ZFYVE9: variants seen among roughly 807,000 people sequenced by gnomAD.
ZFYVE9 encodes the protein zinc finger FYVE-type containing 9, also known as zinc finger FYVE domain-containing protein 9.
Under a neutral mutation model 126.7 loss-of-function variants are expected in ZFYVE9, and 43 were observed. That is an observed-to-expected ratio of 0.34 (90% CI 0.27 to 0.44). ZFYVE9 has a LOEUF of 0.44. ZFYVE9 is among the 20% of genes least tolerant of loss of function. ZFYVE9 has a pLI of 1.00. For synonymous variants in ZFYVE9, 521 were observed against 597.4 expected (o/e 0.87, Z 1.87); for missense variants, 1,476 against 1,697.0 (o/e 0.87, Z 2.29).
chr1:52,216,299 T>G (rs1645071936), intron 1 of ZFYVE9, 70 bp from the exon 2 acceptor site: 1 of 397,734 alleles, frequency 2.5e-6, no homozygotes, highest in Non-Finnish European at 4.4e-6. Context: ...CTGGCTATGG[T>G]AGATTTATAT....
intron 1 of ZFYVE9, among the ~76,000 whole-genome samples, chr1:52,193,707 C>T: frequency 1.8e-5 from 1 of 56,432 alleles, no homozygotes; most frequent in South Asian, 9.4e-4. Context: ...AACTCTGTCT[C>T]AAAAAAAAAA....
chr1:52,163,520 T>A (rs1237248203), intron 1 of ZFYVE9, among the ~76,000 whole-genome samples: 1 of 152,166 alleles, frequency 6.6e-6, no homozygotes, highest in African/African-American at 2.4e-5. Context: ...TAATTTTCTT[T>A]TAGTTTAGGT....
chr1:52,256,083 T>A (rs1002206187), intron 4 of ZFYVE9, among the ~76,000 whole-genome samples: 2 of 150,636 alleles, frequency 1.3e-5, no homozygotes, highest in Non-Finnish European at 2.9e-5. Context: ...TTTCTTTCTT[T>A]CAGATGGAGT....
intron 7 of ZFYVE9, among the ~76,000 whole-genome samples, chr1:52,270,355 C>G (rs1018158778): frequency 1.5e-4 from 23 of 152,160 alleles, no homozygotes; most frequent in Non-Finnish European, 2.6e-4. Flanking sequence ...GCTCCGCCTC[C>G]CGGGTTCACG....
chr1:52,199,311 C>A (rs1644901087), intron 1 of ZFYVE9, among the ~76,000 whole-genome samples: 2 of 152,198 alleles, frequency 1.3e-5, no homozygotes, highest in Admixed American at 1.3e-4. Flanking sequence ...GATCCACCCG[C>A]CTCGGCTTCC....
intron 1 of ZFYVE9, among the ~76,000 whole-genome samples, chr1:52,189,654 T>G (rs1456766633): frequency 6.6e-6 from 1 of 150,516 alleles, no homozygotes; most frequent in Non-Finnish European, 1.5e-5. Context: ...ATTACAGGTG[T>G]GAGCCACCGC....
chr1:52,217,720 C>G (rs927997776), intron 2 of ZFYVE9, among the ~76,000 whole-genome samples: 9 of 152,136 alleles, frequency 5.9e-5, no homozygotes, highest in Non-Finnish European at 5.9e-5. Context: ...TCGTCTATTC[C>G]AGAGTTTTTG....
chr1:52,162,645 C>G (rs1644473125), intron 1 of ZFYVE9: 2 of 276,822 alleles, frequency 7.2e-6, no homozygotes, highest in South Asian at 1.2e-4. Flanking sequence ...TGTGTACAAA[C>G]TAAGGCCAAA....
intron 1 of ZFYVE9, among the ~76,000 whole-genome samples, chr1:52,202,038 C>T (rs1207135815): frequency 6.6e-6 from 1 of 152,122 alleles, no homozygotes; most frequent in Non-Finnish European, 1.5e-5. Context: ...CCCATCTTGG[C>T]CTCCCAAAGT....
At position 52,318,579 on chromosome 1, in the gene ZFYVE9, C is replaced by T. The variant is rs149324210; in HGVS notation, c.3439-14189C>T. On this transcript the variant is annotated intron_variant, in intron 13 of 18. Transcript: ENST00000287727. Reference sequence around the variant, plus strand: ...TGAGCATTGTAATGGAGCTTCTAGCCCATGTAATAAGGGGAAAAAAAATAA... The same window carrying T: ...TGAGCATTGTAATGGAGCTTCTAGCTCATGTAATAAGGGGAAAAAAAATAA... 2.5e-3 allele frequency among the ~76,000 whole-genome samples: 379 copies of T among 151,530 alleles called. 2 individuals carry two copies. The highest frequency in any genetic ancestry group is 3.9e-3 in the Non-Finnish European group (267 of 67,908).
intron 1 of ZFYVE9, among the ~76,000 whole-genome samples, chr1:52,176,110 T>A (rs1055761911): frequency 2.0e-5 from 3 of 152,248 alleles, no homozygotes; most frequent in Admixed American, 6.5e-5. Flanking sequence ...CTCTGTTTTT[T>A]CCTCATCTTT....
At chr1:52,333,873 C>T (rs1394865527) in intron 14 of ZFYVE9, among the ~76,000 whole-genome samples, 1 of 151,634 alleles carries the variant, frequency 6.6e-6, no homozygotes, top group Non-Finnish European at 1.5e-5. Context: ...GGTGGATCAC[C>T]TAAGGTCAGG....
At chr1:52,301,797 A>G (rs1209810283) in intron 12 of ZFYVE9, among the ~76,000 whole-genome samples, 1 of 152,048 alleles carries the variant, frequency 6.6e-6, no homozygotes, top group Non-Finnish European at 1.5e-5. Flanking sequence ...CTCCAATTAC[A>G]TATATATCAG....
chr1:52,332,663 A>G (rs757507918), intron 13 of ZFYVE9, 105 bp from the exon 14 acceptor site: 61 of 1,352,088 alleles, frequency 4.5e-5, no homozygotes, highest in Non-Finnish European at 5.8e-5. Context: ...TGTCACTTTA[A>G]TACGTAATAT....
chr1:52,185,398 G>A (rs1644755880), intron 1 of ZFYVE9, among the ~76,000 whole-genome samples: 1 of 152,078 alleles, frequency 6.6e-6, no homozygotes, highest in Non-Finnish European at 1.5e-5. Context: ...AATTATCAAT[G>A]GTTAGTGTAT....
At chr1:52,314,719 C>G (rs1344774158) in intron 13 of ZFYVE9, among the ~76,000 whole-genome samples, 3 of 151,914 alleles carry the variant, frequency 2.0e-5, no homozygotes, top group Non-Finnish European at 4.4e-5. Context: ...ACTTGGGAGG[C>G]TAAGGCAGGA....
intron 2 of ZFYVE9, among the ~76,000 whole-genome samples, chr1:52,226,535 C>A (rs1645172097): frequency 6.6e-6 from 1 of 151,756 alleles, no homozygotes; most frequent in African/African-American, 2.4e-5. Flanking sequence ...GACTCTGTCT[C>A]AAAAAGAAAA....
At chr1:52,252,951 C>T (rs571757545) in intron 4 of ZFYVE9, among the ~76,000 whole-genome samples, 3 of 152,318 alleles carry the variant, frequency 2.0e-5, no homozygotes, top group South Asian at 4.1e-4. Context: ...CGGTGGCTCA[C>T]GCCTGTAATC....
chr1:52,143,686 T>C (rs1375279100), intron 1 of ZFYVE9, among the ~76,000 whole-genome samples: 1 of 152,208 alleles, frequency 6.6e-6, no homozygotes, highest in African/African-American at 2.4e-5. Context: ...TACATTGTCA[T>C]TTGTATAAGA....
Sources: allele counts gnomAD v4.1 joint callset (sites outside exome capture counted in the v4.1 genomes callset), GRCh38; gene constraint gnomAD v4.1.1; transcripts MANE v1.5; gene names NCBI Gene and HGNC (gene_info 2026-07-23, HGNC 2026-07-21).